Variants in DMD observed in about 807,000 individuals in gnomAD.
DMD encodes the protein mutant dystrophin.
Under a neutral mutation model 330.1 loss-of-function variants are expected in DMD, and 63 were observed. The observed-to-expected ratio is 0.19, with a 90% CI of 0.16 to 0.24. The LOEUF (loss-of-function observed/expected upper bound fraction) is 0.24. DMD is among the 10% of genes least tolerant of loss of function. The pLI is 1.00. For missense variants in DMD, 3,344 were observed against 2,684.1 expected, an observed-to-expected ratio of 1.25 and a Z score of -5.43; for synonymous variants, 1,223 against 959.8, an observed-to-expected ratio of 1.27 and a Z score of -5.07.
In DMD at chrX:32,318,508, C is replaced by G. The variant is rs3788898; in HGVS notation, c.5923-8232G>C. On this transcript the variant is annotated intron_variant, in intron 41 of 78. Coordinates refer to ENST00000357033, the MANE Select transcript of DMD (RefSeq NM_004006.3). ...GGTAGAAAGATGTTGAATAATCAAT[C>G]TAATGAGTCTAAGCATATTGGTTAT... 3.0e-3 allele frequency among the ~76,000 whole-genome samples: 338 copies of G among 111,112 alleles called. 11 individuals carry two copies. The East Asian group carries it at 0.082, about 27-fold the overall frequency.
chrX:31,895,584 T>C (rs886361272), intron 47 of DMD, among the ~76,000 whole-genome samples: 1 of 111,833 alleles, frequency 8.9e-6, no homozygotes, highest in Non-Finnish European at 1.9e-5. Context: ...CATGGAGTTT[T>C]GAACTTATTC....
At chrX:31,306,200 A>T (rs960599971) in intron 62 of DMD, among the ~76,000 whole-genome samples, 4 of 103,051 alleles carry the variant, frequency 3.9e-5, no homozygotes, top group South Asian at 3.7e-4. Flanking sequence ...TTTCAAATTT[A>T]AAAAAAAATC....
chrX:32,261,657 A>G (rs940263859), intron 43 of DMD, among the ~76,000 whole-genome samples: 6 of 111,879 alleles, frequency 5.4e-5, no homozygotes, highest in Non-Finnish European at 9.4e-5. Context: ...CAAAAGAACA[A>G]CCTACAAATG....
chrX:31,207,706 C>A (rs1013384839), intron 65 of DMD, among the ~76,000 whole-genome samples: 1 of 111,722 alleles, frequency 9.0e-6, no homozygotes, highest in African/African-American at 3.3e-5. Context: ...ACAACAGATA[C>A]TGGGGTCTTG....
intron 7 of DMD, among the ~76,000 whole-genome samples, chrX:32,778,980 A>G (rs2074441394): frequency 8.9e-6 from 1 of 111,762 alleles, no homozygotes; most frequent in Admixed American, 9.5e-5. Context: ...TAAACAAAAA[A>G]GTCGTATCAT....
intron 62 of DMD, among the ~76,000 whole-genome samples, chrX:31,313,975 A>G (rs2148205919): frequency 9.0e-6 from 1 of 110,763 alleles, no homozygotes; most frequent in South Asian, 3.9e-4. Flanking sequence ...CTGGGACCAC[A>G]GGTGCATGCC....
intron 38 of DMD, 50 bp from the exon 39 acceptor site, chrX:32,346,130 T>C (rs1481981682): frequency 1.7e-6 from 2 of 1,161,734 alleles, no homozygotes; most frequent in African/African-American, 3.5e-5. Context: ...TAAAAAGCTG[T>C]ACATTGTTAA....
At chrX:32,335,623 TATATACATAAC>T (rs1300418631) in intron 41 of DMD, among the ~76,000 whole-genome samples, 1 of 15,992 alleles carries the variant, frequency 6.3e-5, no homozygotes, top group Admixed American at 9.1e-4. Flanking sequence ...ACAAACATGT[TATATACATAAC>T]ATATACATAA....
intron 2 of DMD, among the ~76,000 whole-genome samples, chrX:32,871,546 A>G (rs866882328): frequency 4.5e-5 from 5 of 111,662 alleles, no homozygotes; most frequent in South Asian, 7.5e-4. Context: ...GAATCTATTG[A>G]TAAGATTAGA....
At chrX:32,492,462 AC>A (rs770864731) in intron 19 of DMD, among the ~76,000 whole-genome samples, 1 of 112,750 alleles carries the variant, frequency 8.9e-6, no homozygotes, top group South Asian at 3.6e-4. Flanking sequence ...CTGTAGTAAT[AC>A]CAAACCCAGA....
intron 44 of DMD, among the ~76,000 whole-genome samples, chrX:32,022,302 C>A (rs1044685615): frequency 2.7e-5 from 3 of 111,607 alleles, no homozygotes; most frequent in Non-Finnish European, 5.7e-5. Flanking sequence ...AGCATAGCAA[C>A]GATACAATTT....
chrX:32,553,096 C>T (rs751785651), intron 16 of DMD, among the ~76,000 whole-genome samples: 84 of 111,954 alleles, frequency 7.5e-4, no homozygotes, highest in African/African-American at 2.6e-3. Context: ...AATCCCTCAA[C>T]CCTAAAGACA....
chrX:31,147,946 A>T (rs1208705717), intron 74 of DMD, among the ~76,000 whole-genome samples: 2 of 111,979 alleles, frequency 1.8e-5, no homozygotes, highest in Non-Finnish European at 3.8e-5. Flanking sequence ...ATGTATAAGA[A>T]TGGAGTAAGT....
intron 44 of DMD, among the ~76,000 whole-genome samples, chrX:32,124,527 G>A: frequency 8.9e-6 from 1 of 111,843 alleles, no homozygotes; most frequent in Non-Finnish European, 1.9e-5. Flanking sequence ...GCTCTTTTTT[G>A]GATACATGTC....
At chrX:32,490,295 G>A (rs1005420845) in intron 20 of DMD, among the ~76,000 whole-genome samples, 2 of 111,722 alleles carry the variant, frequency 1.8e-5, no homozygotes, top group African/African-American at 6.5e-5. Flanking sequence ...CATTCCCCGC[G>A]AAAAGCACAT....
intron 50 of DMD, among the ~76,000 whole-genome samples, chrX:31,809,152 TATAA>T (rs1403827347): frequency 3.2e-5 from 2 of 62,067 alleles, no homozygotes; most frequent in Admixed American, 1.9e-4. Flanking sequence ...TGAGTTTATA[TATAA>T]ATATATATGA....
chrX:31,346,804 G>A (rs905571199), intron 61 of DMD, among the ~76,000 whole-genome samples: 2 of 108,410 alleles, frequency 1.8e-5, no homozygotes, highest in Admixed American at 9.9e-5. Context: ...CTCGAGACCA[G>A]CCTGACCAAT....
At chrX:31,690,945 A>C (rs963221365) in intron 52 of DMD, among the ~76,000 whole-genome samples, 1 of 110,234 alleles carries the variant, frequency 9.1e-6, no homozygotes, top group Non-Finnish European at 1.9e-5. Context: ...AGGAAGGGGA[A>C]CATCACACAC....
chrX:31,214,943 T>TCTTTTTTC (rs1396565537), intron 64 of DMD, among the ~76,000 whole-genome samples: 1 of 69,430 alleles, frequency 1.4e-5, no homozygotes, highest in Non-Finnish European at 2.8e-5. Flanking sequence ...TTTTCTTTTT[T>TCTTTTTTC]TTTTTTTTTT....
Sources: allele counts gnomAD v4.1 joint callset (sites outside exome capture counted in the v4.1 genomes callset), GRCh38; gene constraint gnomAD v4.1.1; transcripts MANE v1.5; gene names NCBI Gene and HGNC (gene_info 2026-07-23, HGNC 2026-07-21).